The following ADCY10 variants were observed in gnomAD, a reference collection of about 807,000 sequenced individuals.
The protein encoded by ADCY10 is adenylate cyclase 10, also known as adenylate cyclase type 10.
In ADCY10, 156 loss-of-function variants were observed where a neutral mutation model predicts 183.3. That is an observed-to-expected ratio of 0.85 (90% CI 0.75 to 0.97). The LOEUF is 0.97. Ranked by LOEUF, ADCY10 falls within the 50% of genes least tolerant of loss-of-function variation. ADCY10 has a pLI of 0.00. For missense variants in ADCY10, 1,745 were observed against 1,934.3 expected, an observed-to-expected ratio of 0.90 and a Z score of 1.84; for synonymous variants, 645 against 670.0, an observed-to-expected ratio of 0.96 and a Z score of 0.58.
At chr1:167,885,354 G>C (rs561025765) in intron 8 of ADCY10, among the ~76,000 whole-genome samples, 59 of 152,184 alleles carry the variant, frequency 3.9e-4, no homozygotes, top group African/African-American at 1.3e-3. Flanking sequence ...AGCTTTTTGA[G>C]GAACTTTCAA....
At chr1:167,863,694 G>A (rs941519324) in intron 14 of ADCY10, among the ~76,000 whole-genome samples, 11 of 152,206 alleles carry the variant, frequency 7.2e-5, no homozygotes, top group African/African-American at 2.2e-4. Flanking sequence ...AGAGTGACGC[G>A]GATCCTGAGA....
intron 3 of ADCY10, among the ~76,000 whole-genome samples, chr1:167,903,047 G>A (rs1414496159): frequency 6.6e-6 from 1 of 152,162 alleles, no homozygotes; most frequent in Non-Finnish European, 1.5e-5. Context: ...CTGAGGTCAG[G>A]AGTTAGAGAC....
At chr1:167,900,064 A>G (rs1225105330) in intron 5 of ADCY10, among the ~76,000 whole-genome samples, 1 of 152,236 alleles carries the variant, frequency 6.6e-6, no homozygotes, top group Non-Finnish European at 1.5e-5. Flanking sequence ...GGAAGTATGC[A>G]TTTGACAGTT....
chr1:167,835,804 G>T (rs1242848642), intron 23 of ADCY10, among the ~76,000 whole-genome samples: 1 of 152,148 alleles, frequency 6.6e-6, no homozygotes, highest in Non-Finnish European at 1.5e-5. Flanking sequence ...GTGGGAGGAT[G>T]GCTTGATCCC....
chr1:167,881,197 T>C (rs1001338505), intron 9 of ADCY10, among the ~76,000 whole-genome samples: 1 of 152,216 alleles, frequency 6.6e-6, no homozygotes, highest in Non-Finnish European at 1.5e-5. Flanking sequence ...AGGCTGTAAG[T>C]AGGTTTTCTT....
intron 13 of ADCY10, among the ~76,000 whole-genome samples, chr1:167,873,490 T>C (rs1040313282): frequency 6.6e-6 from 1 of 152,318 alleles, no homozygotes; most frequent in Middle Eastern, 3.4e-3. Flanking sequence ...TAACTTATGA[T>C]AAGACTTTTG....
At chr1:167,821,794 A>G (rs1662929635) in intron 30 of ADCY10, among the ~76,000 whole-genome samples, 2 of 152,206 alleles carry the variant, frequency 1.3e-5, no homozygotes, top group Non-Finnish European at 2.9e-5. Flanking sequence ...TATGTTTGCG[A>G]TAAATGTTTA....
intron 18 of ADCY10, among the ~76,000 whole-genome samples, chr1:167,852,784 A>C (rs1305777689): frequency 6.6e-6 from 1 of 152,170 alleles, no homozygotes; most frequent in Admixed American, 6.5e-5. Context: ...TCCTTAAAAA[A>C]AAAAAAGGTA....
intron 13 of ADCY10, among the ~76,000 whole-genome samples, chr1:167,870,752 C>T (rs10918791): frequency 0.57 from 86,398 of 150,362 alleles, 25,311 homozygotes; most frequent in East Asian, 0.74. Context: ...GAGGTTGCAG[C>T]GAGCCGGGAT....
At chr1:167,831,358 T>G (rs978379967) in intron 25 of ADCY10, among the ~76,000 whole-genome samples, 1 of 152,102 alleles carries the variant, frequency 6.6e-6, no homozygotes, top group Non-Finnish European at 1.5e-5. Context: ...CCTGGCTAAA[T>G]TTTTTCTGTA....
At chr1:167,891,528 C>A (rs940317304) in intron 8 of ADCY10, among the ~76,000 whole-genome samples, 4 of 151,500 alleles carry the variant, frequency 2.6e-5, no homozygotes, top group African/African-American at 9.7e-5. Context: ...TGGTGGCGGG[C>A]GCCTGTAGTC....
rs1268599239 is a variant in ADCY10 at position 167,834,622 on chromosome 1, G to A, written c.3310-545C>T. ...AACATCATTAGGCAAATCTTAGCACGTGTGCACACCAAGGTAAGATCAGAC... is the reference window on the plus strand; with the variant it reads ...AACATCATTAGGCAAATCTTAGCACATGTGCACACCAAGGTAAGATCAGAC... On this transcript the variant is annotated intron_variant, in intron 23 of 32. Transcript: ENST00000367851. 5 of 193,974 alleles carry A rather than the reference G, an allele frequency of 2.6e-5. No homozygotes were observed. The South Asian group carries it at 3.3e-4, about 13-fold the overall frequency. The allele number at this position is 193,974 out of a possible 1,614,324, so 12.0% of individuals were successfully genotyped here.
At position 167,823,065 on chromosome 1, in the gene ADCY10, G is replaced by A. The variant is rs752031595; in HGVS notation, c.4111C>T (p.His1371Tyr). The stretch of plus-strand genomic sequence containing the variant: ...TAGAAAAATGCCTTGCTGAAGATGT[G>A]TTCCTGTGTTACAGAAAGCTCCCAC... ...RLWELSVTQE[H>Y]IFSKAFFYFV... The change falls in exon 29 of 33, where the codon CAC becomes TAC. Residue 1371 changes from histidine (H) to tyrosine (Y), a missense_variant. His to Tyr is a moderately conservative substitution (Grantham distance 83). Transcript: ENST00000367851. The A allele has an allele frequency of 6.2e-7, 1 of 1,614,168 alleles. No homozygotes were observed. Among genetic ancestry groups the A allele is most frequent in the East Asian group, 2.2e-5 (1 of 44,880 alleles).
rs1403162540 is a variant in ADCY10, at chr1:167,896,650, T to G, written c.684A>C (p.Glu228Asp). ...LKPPPNFNFD[E>D]FFTKCTTFMH... ...TGAAGGTCGTACACTTTGTGAAAAA[T>G]TCATCAAAATTAAAATTGGGGGGTG... Residue 228 changes from glutamate to aspartate, a missense_variant, in exon 7 of 33, where the codon GAA (glutamate) becomes GAC (aspartate). Physicochemically the swap from Glu to Asp is conservative, Grantham distance 45. Transcript: ENST00000367851. The G allele has an allele frequency of 1.2e-6, 2 of 1,613,594 alleles. No homozygotes were observed. Among genetic ancestry groups the G allele is most frequent in the Admixed American group, 3.3e-5 (2 of 59,994 alleles).
chr1:167,895,140 C>A (rs1287455127), intron 7 of ADCY10, among the ~76,000 whole-genome samples: 1 of 150,894 alleles, frequency 6.6e-6, no homozygotes, highest in Admixed American at 6.6e-5. Flanking sequence ...CCATATCGCG[C>A]CAGTGCACTC....
chr1:167,851,607 G>T (rs1454906280), intron 18 of ADCY10, among the ~76,000 whole-genome samples: 1 of 152,132 alleles, frequency 6.6e-6, no homozygotes, highest in African/African-American at 2.4e-5. Flanking sequence ...TGGATCACAA[G>T]TTCAGGAGTT....
intron 13 of ADCY10, among the ~76,000 whole-genome samples, chr1:167,873,117 G>A (rs1315743677): frequency 6.6e-6 from 1 of 152,042 alleles, no homozygotes; most frequent in African/African-American, 2.4e-5. Flanking sequence ...TAATGTGACT[G>A]TCATGTTGGG....
intron 15 of ADCY10, 132 bp from the exon 16 acceptor site, chr1:167,860,025 C>T (rs547615385): frequency 1.4e-5 from 10 of 736,754 alleles, no homozygotes; most frequent in Non-Finnish European, 1.9e-5. Context: ...TGGTCCCAAC[C>T]TTTTTGGCAC....
chr1:167,832,719 G>A (rs1477631648), intron 25 of ADCY10, among the ~76,000 whole-genome samples: 1 of 152,156 alleles, frequency 6.6e-6, no homozygotes, highest in African/African-American at 2.4e-5. Flanking sequence ...GATGAGTTAG[G>A]ACGGACCCTA....
Sources: allele counts gnomAD v4.1 joint callset (sites outside exome capture counted in the v4.1 genomes callset), GRCh38; gene constraint gnomAD v4.1.1; transcripts MANE v1.5; gene names NCBI Gene and HGNC (gene_info 2026-07-23, HGNC 2026-07-21).